ZC3H12B: variants seen among roughly 807,000 people sequenced by gnomAD.
The protein encoded by ZC3H12B is probable ribonuclease ZC3H12B.
ZC3H12B carries 7 observed loss-of-function variants against 43.9 expected under a neutral mutation model. The ratio of observed to expected loss-of-function variants is 0.16; its 90% confidence interval spans 0.09 to 0.30. The LOEUF is 0.30. ZC3H12B is among the 10% of genes least tolerant of loss of function. ZC3H12B has a pLI of 1.00. For synonymous variants in ZC3H12B, 222 were observed against 241.7 expected (o/e 0.92, Z 0.76); for missense variants, 475 against 670.2 (o/e 0.71, Z 3.22).
intron 2 of ZC3H12B, among the ~76,000 whole-genome samples, chrX:65,380,447 C>T (rs1368293937): frequency 9.0e-6 from 1 of 111,022 alleles, no homozygotes; most frequent in Non-Finnish European, 1.9e-5. Flanking sequence ...TAAAAGAGCT[C>T]CTGAAGGAAG....
chrX:65,224,643 CA>C, the ZC3H12B span, among the ~76,000 whole-genome samples: 1 of 112,009 alleles, frequency 8.9e-6, no homozygotes, highest in Non-Finnish European at 1.9e-5. Flanking sequence ...TGACAGATGG[CA>C]CCTGGAAAAT....
At chrX:65,318,410 CTTCT>C in the ZC3H12B span, among the ~76,000 whole-genome samples, 1 of 103,139 alleles carries the variant, frequency 9.7e-6, no homozygotes, top group Non-Finnish European at 2.0e-5. Flanking sequence ...CTTCTTCTTT[CTTCT>C]TTCTCCTTTT....
At chrX:65,205,674 C>T in the ZC3H12B span, among the ~76,000 whole-genome samples, 1 of 111,243 alleles carries the variant, frequency 9.0e-6, no homozygotes, top group African/African-American at 3.3e-5. Flanking sequence ...AAGTTCTAGC[C>T]AGAGCAAGTG....
the ZC3H12B span, among the ~76,000 whole-genome samples, chrX:65,074,283 T>G: frequency 9.0e-6 from 1 of 111,151 alleles, no homozygotes; most frequent in Non-Finnish European, 1.9e-5. Context: ...TTTTTTTTAT[T>G]ACTTCAAATC....
At chrX:65,135,369 A>G in the ZC3H12B span, among the ~76,000 whole-genome samples, 1 of 110,392 alleles carries the variant, frequency 9.1e-6, no homozygotes. Flanking sequence ...TTTTTCCTGA[A>G]AGTCCAAATT....
the ZC3H12B span, among the ~76,000 whole-genome samples, chrX:65,113,273 C>T: frequency 9.0e-6 from 1 of 111,701 alleles, no homozygotes; most frequent in Non-Finnish European, 1.9e-5. Flanking sequence ...GGAATCTGCT[C>T]CTGGTGAAGA....
chrX:65,437,704 C>T (rs771665780), intron 3 of ZC3H12B, among the ~76,000 whole-genome samples: 1 of 107,250 alleles, frequency 9.3e-6, no homozygotes, highest in South Asian at 3.7e-4. Context: ...TGTCTCTTCA[C>T]TTCGTTGACT....
chrX:65,163,899 A>C, the ZC3H12B span, among the ~76,000 whole-genome samples: 1 of 111,795 alleles, frequency 8.9e-6, no homozygotes, highest in Non-Finnish European at 1.9e-5. Context: ...CGCTGTTCCT[A>C]TTCAGCCATC....
the ZC3H12B span, among the ~76,000 whole-genome samples, chrX:65,253,890 A>C: frequency 9.8e-5 from 11 of 111,990 alleles, no homozygotes; most frequent in Non-Finnish European, 1.7e-4. Context: ...TCATTTTGGC[A>C]GTGCACCGTG....
chrX:65,407,947 G>T, intron 3 of ZC3H12B: 2 of 749,869 alleles, frequency 2.7e-6, no homozygotes, highest in Non-Finnish European at 1.9e-6. Context: ...CCGGCCTAGC[G>T]CGCCTGCGTG....
At chrX:65,381,011 T>G (rs986692972) in intron 2 of ZC3H12B, among the ~76,000 whole-genome samples, 1 of 111,016 alleles carries the variant, frequency 9.0e-6, no homozygotes, top group Non-Finnish European at 1.9e-5. Flanking sequence ...AATGGGAGAC[T>G]TTAACACCCC....
At chrX:65,430,756 G>A (rs962204759) in intron 3 of ZC3H12B, among the ~76,000 whole-genome samples, 15 of 110,220 alleles carry the variant, frequency 1.4e-4, no homozygotes, top group African/African-American at 5.0e-4. Flanking sequence ...ATGGACATTT[G>A]GGTTGGTTCC....
intron 3 of ZC3H12B, among the ~76,000 whole-genome samples, chrX:65,468,034 A>G (rs936246671): frequency 8.9e-6 from 1 of 112,110 alleles, no homozygotes. Flanking sequence ...TGCCTAGGCC[A>G]ATGTCCAGAA....
chrX:65,118,391 G>T, the ZC3H12B span, among the ~76,000 whole-genome samples: 1 of 111,662 alleles, frequency 9.0e-6, no homozygotes, highest in African/African-American at 3.3e-5. Context: ...AGGAATGCTT[G>T]TGATTTTTGC....
chrX:65,209,512 G>A, the ZC3H12B span, among the ~76,000 whole-genome samples: 8 of 98,612 alleles, frequency 8.1e-5, no homozygotes, highest in Admixed American at 5.7e-4. Context: ...TTAATCCTGA[G>A]TTCTAGTTTG....
chrX:65,427,336 T>C (rs186175092), intron 3 of ZC3H12B, among the ~76,000 whole-genome samples: 2 of 111,005 alleles, frequency 1.8e-5, no homozygotes, highest in Admixed American at 9.6e-5. Flanking sequence ...TCCCTTTATT[T>C]TAATTTTTTT....
At chrX:65,230,105 A>C in the ZC3H12B span, among the ~76,000 whole-genome samples, 2 of 111,146 alleles carry the variant, frequency 1.8e-5, no homozygotes, top group Non-Finnish European at 3.8e-5. Context: ...TTGCGGCACT[A>C]TTCACAATAG....
At chrX:65,177,194 T>C in the ZC3H12B span, among the ~76,000 whole-genome samples, 29 of 112,232 alleles carry the variant, frequency 2.6e-4, no homozygotes, top group Admixed American at 1.7e-3. Context: ...AGTATCTCAA[T>C]AGATGCAGGA....
chrX:65,488,212 G>A (rs1032245793), upstream of ZC3H12B, among the ~76,000 whole-genome samples: 2 of 110,816 alleles, frequency 1.8e-5, no homozygotes, highest in Non-Finnish European at 1.9e-5. Flanking sequence ...TTAGCAAGAA[G>A]GATATGGTGT....
Sources: gnomAD v4.1 joint callset for allele counts (sites outside exome capture counted in the v4.1 genomes callset) on GRCh38, gnomAD v4.1.1 for gene constraint, MANE v1.5 for transcripts, NCBI Gene and HGNC (gene_info 2026-07-23, HGNC 2026-07-21) for gene names.